EGFR: variants seen among roughly 807,000 people sequenced by gnomAD.
The protein encoded by EGFR is avian erythroblastic leukemia viral (v-erb-b) oncogene homolog.
In EGFR, 58 loss-of-function variants were observed where a neutral mutation model predicts 143.0. The observed-to-expected ratio is 0.41, with a 90% CI of 0.33 to 0.50. The LOEUF (loss-of-function observed/expected upper bound fraction) is 0.50. Ranked by LOEUF, EGFR falls within the 20% of genes least tolerant of loss-of-function variation. The pLI, the probability that EGFR is intolerant of heterozygous loss-of-function variation, is 0.39. For synonymous variants in EGFR, 613 were observed against 594.4 expected, an observed-to-expected ratio of 1.03 and a Z score of -0.45; for missense variants, 1,307 against 1,579.0, an observed-to-expected ratio of 0.83 and a Z score of 2.92.
chr7:55,124,800 C>CTA (rs1793426081), intron 1 of EGFR, among the ~76,000 whole-genome samples: 1 of 152,230 alleles, frequency 6.6e-6, no homozygotes, highest in Non-Finnish European at 1.5e-5. Flanking sequence ...AGTGCTCCTA[C>CTA]TACCATACTC....
chr7:55,105,778 C>A (rs1460190330), intron 1 of EGFR, among the ~76,000 whole-genome samples: 1 of 152,084 alleles, frequency 6.6e-6, no homozygotes, highest in African/African-American at 2.4e-5. Flanking sequence ...TTTATATTAA[C>A]CATTGTTCCA....
chr7:55,111,752 A>G (rs1354950075), intron 1 of EGFR, among the ~76,000 whole-genome samples: 8 of 152,168 alleles, frequency 5.3e-5, no homozygotes, highest in Middle Eastern at 3.2e-3. Flanking sequence ...CTGTCCTTCT[A>G]TGTCAGCAGC....
At chr7:55,047,076 C>T (rs552019470) in intron 1 of EGFR, among the ~76,000 whole-genome samples, 12 of 152,150 alleles carry the variant, frequency 7.9e-5, no homozygotes, top group Admixed American at 2.0e-4. Context: ...GTTACCGGTA[C>T]GATAGGGCCA....
chr7:55,149,823 G>A (rs928011597), intron 4 of EGFR, among the ~76,000 whole-genome samples: 3 of 152,168 alleles, frequency 2.0e-5, no homozygotes, highest in African/African-American at 2.4e-5. Context: ...TTATGCAGCA[G>A]CCATGCTATT....
chr7:55,123,192 G>A (rs1793314874), intron 1 of EGFR, among the ~76,000 whole-genome samples: 1 of 152,218 alleles, frequency 6.6e-6, no homozygotes, highest in Admixed American at 6.5e-5. Context: ...TCACGTCTGG[G>A]GGAAGAAAAT....
At chr7:55,133,843 T>G (rs73135288) in intron 1 of EGFR, among the ~76,000 whole-genome samples, 3,220 of 152,092 alleles carry the variant, frequency 0.021, 49 homozygotes, top group Middle Eastern at 0.038. Flanking sequence ...AGGCACAGAG[T>G]GCAAGCACCG....
At chr7:55,177,144 C>G (rs1467735572) in intron 19 of EGFR, among the ~76,000 whole-genome samples, 1 of 151,982 alleles carries the variant, frequency 6.6e-6, no homozygotes, top group Non-Finnish European at 1.5e-5. Context: ...CAGAGGGCGA[C>G]AAGCCTGGAG....
intron 22 of EGFR, among the ~76,000 whole-genome samples, chr7:55,196,347 T>C (rs1206169812): frequency 2.0e-5 from 3 of 152,046 alleles, no homozygotes; most frequent in African/African-American, 7.2e-5. Flanking sequence ...TCATGTCCTT[T>C]GCCCACTTTT....
rs187484751 is a variant in EGFR at position 55,049,204 on chromosome 7, T to G, written c.88+29839T>G. ...ATTATAAATTATAATATCATCTAGA[T>G]TGGACATAGGAATAACGACCACTGG... On this transcript the variant is annotated intron_variant, in intron 1 of 27. Transcript: ENST00000275493. Among the ~76,000 whole-genome samples, 4 of 152,312 alleles carry G rather than the reference T, an allele frequency of 2.6e-5. No individual in the cohort carries two copies. In the East Asian group the frequency reaches 7.7e-4, roughly 29 times the overall value.
At chr7:55,170,325 C>A (rs1363092482) in intron 15 of EGFR, 1 of 1,614,054 alleles carries the variant, frequency 6.2e-7, no homozygotes, top group African/African-American at 1.3e-5. Context: ...ATGAGAGTCT[C>A]AAAGCCATGT....
At chr7:55,189,128 A>G (rs1261357160) in intron 20 of EGFR, among the ~76,000 whole-genome samples, 1 of 152,044 alleles carries the variant, frequency 6.6e-6, no homozygotes, top group African/African-American at 2.4e-5. Context: ...GTATATATAT[A>G]TACACATATA....
At chr7:55,144,613 A>G (rs1794656604) in intron 3 of EGFR, among the ~76,000 whole-genome samples, 1 of 152,186 alleles carries the variant, frequency 6.6e-6, no homozygotes, top group African/African-American at 2.4e-5. Context: ...TTCACCGCCT[A>G]TAAAATTGTG....
intron 1 of EGFR, among the ~76,000 whole-genome samples, chr7:55,056,737 C>T (rs530036271): frequency 9.8e-5 from 15 of 152,326 alleles, no homozygotes; most frequent in Non-Finnish European, 1.8e-4. Flanking sequence ...GAATGAAAAA[C>T]GCCAGTTGCG....
At chr7:55,111,562 T>C (rs1009563081) in intron 1 of EGFR, among the ~76,000 whole-genome samples, 1 of 152,224 alleles carries the variant, frequency 6.6e-6, no homozygotes, top group African/African-American at 2.4e-5. Flanking sequence ...AAAAATCATG[T>C]TACTTTCTAG....
intron 1 of EGFR, among the ~76,000 whole-genome samples, chr7:55,022,214 C>CT (rs993266661): frequency 6.6e-6 from 1 of 152,124 alleles, no homozygotes; most frequent in African/African-American, 2.4e-5. Flanking sequence ...AGCCCTGCCT[C>CT]TTACAGGATG....
intron 1 of EGFR, among the ~76,000 whole-genome samples, chr7:55,050,117 T>C (rs1393773472): frequency 6.6e-6 from 1 of 152,188 alleles, no homozygotes; most frequent in African/African-American, 2.4e-5. Context: ...ATCTTAATCA[T>C]GTATAAAAGT....
At chr7:55,057,763 C>T (rs1001856773) in intron 1 of EGFR, among the ~76,000 whole-genome samples, 3 of 152,172 alleles carry the variant, frequency 2.0e-5, no homozygotes, top group Non-Finnish European at 4.4e-5. Context: ...TCTGACAGCT[C>T]ATTATCTCTG....
intron 1 of EGFR, among the ~76,000 whole-genome samples, chr7:55,104,781 T>C (rs1434243970): frequency 6.6e-6 from 1 of 152,182 alleles, no homozygotes; most frequent in Non-Finnish European, 1.5e-5. Flanking sequence ...CATCCAAAAA[T>C]TCATGTTACT....
chr7:55,077,582 T>A (rs918793808), intron 1 of EGFR, among the ~76,000 whole-genome samples: 2 of 152,146 alleles, frequency 1.3e-5, no homozygotes, highest in Non-Finnish European at 2.9e-5. Context: ...GATTATGATA[T>A]AATTAAATGA....
Sources: gnomAD v4.1 joint callset for allele counts (sites outside exome capture counted in the v4.1 genomes callset) on GRCh38, gnomAD v4.1.1 for gene constraint, MANE v1.5 for transcripts, NCBI Gene and HGNC (gene_info 2026-07-23, HGNC 2026-07-21) for gene names.